The following TTLL13 variants were observed in gnomAD, a reference collection of about 807,000 sequenced individuals.
TTLL13 encodes the protein tubulin polyglutamylase TTLL13.
At chr15:90,261,957 G>T in the TTLL13 span, 1 of 1,440,554 alleles carries the variant, frequency 6.9e-7, no homozygotes, top group South Asian at 1.4e-5. Context: ...TTTCCCTACT[G>T]AACATTCCCA....
the TTLL13 span, chr15:90,262,670 G>T: frequency 6.8e-7 from 1 of 1,478,646 alleles, no homozygotes; most frequent in Non-Finnish European, 8.9e-7. Context: ...GGAGAAAGAG[G>T]TGCCAGGGGT....
the TTLL13 span, among the ~76,000 whole-genome samples, chr15:90,250,087 A>AGC: frequency 6.6e-6 from 1 of 151,614 alleles, no homozygotes; most frequent in Non-Finnish European, 1.5e-5. Context: ...CCTCCCGAGT[A>AGC]GCTGGGATTA....
chr15:90,257,488 C>A, the TTLL13 span: 3 of 968,494 alleles, frequency 3.1e-6, no homozygotes, highest in Non-Finnish European at 4.5e-6. Context: ...ACACTCTTCC[C>A]CAGGATCATC....
chr15:90,257,861 C>A, the TTLL13 span: 1 of 959,966 alleles, frequency 1.0e-6, no homozygotes, highest in Non-Finnish European at 1.6e-6. Flanking sequence ...TGTGCCTGCA[C>A]TTTGGAGCTC....
the TTLL13 span, among the ~76,000 whole-genome samples, chr15:90,254,491 T>TAAAAA: frequency 5.9e-5 from 5 of 84,214 alleles, no homozygotes; most frequent in East Asian, 1.0e-3. Flanking sequence ...AGACTCCATC[T>TAAAAA]AAAAAAAAAA....
the TTLL13 span, chr15:90,255,865 C>T: frequency 1.2e-6 from 2 of 1,614,216 alleles, no homozygotes; most frequent in Non-Finnish European, 1.7e-6. Flanking sequence ...TCTTCCCCCG[C>T]ACCTGGTGCC....
the TTLL13 span, among the ~76,000 whole-genome samples, chr15:90,261,820 G>A: frequency 1.4e-4 from 22 of 152,356 alleles, no homozygotes; most frequent in East Asian, 4.2e-3. Flanking sequence ...TGGAAGTCAA[G>A]CCTATTTTCA....
At chr15:90,265,370 CCCTG>C in the TTLL13 span, 37 of 1,234,798 alleles carry the variant, frequency 3.0e-5, no homozygotes, top group Middle Eastern at 6.6e-4. Flanking sequence ...CGAGCGGAAG[CCCTG>C]CCCACCGAGG....
the TTLL13 span, chr15:90,251,683 C>A: frequency 6.8e-7 from 1 of 1,469,348 alleles, no homozygotes; most frequent in Non-Finnish European, 9.5e-7. Flanking sequence ...CCCGATCAGG[C>A]TTCCAGCCCC....
chr15:90,252,911 G>A, the TTLL13 span, among the ~76,000 whole-genome samples: 5 of 152,292 alleles, frequency 3.3e-5, no homozygotes, highest in South Asian at 2.1e-4. Context: ...GCTGAGGCAC[G>A]AGAATCTCTT....
the TTLL13 span, chr15:90,257,113 C>T: frequency 1.2e-6 from 2 of 1,603,094 alleles, no homozygotes; most frequent in Non-Finnish European, 1.7e-6. Context: ...TGTTATTATT[C>T]CCTCATGGGT....
chr15:90,265,179 G>A, the TTLL13 span: 2 of 1,307,844 alleles, frequency 1.5e-6, no homozygotes, highest in South Asian at 3.2e-5. Flanking sequence ...AAGATGAAGA[G>A]GCGCCAAGGC....
At chr15:90,258,323 T>G in the TTLL13 span, 1 of 1,476,930 alleles carries the variant, frequency 6.8e-7, no homozygotes, top group South Asian at 1.1e-5. Context: ...CCTCCTTGAA[T>G]AGGACACCTG....
the TTLL13 span, chr15:90,262,908 G>A: frequency 2.7e-6 from 4 of 1,492,732 alleles, no homozygotes; most frequent in Non-Finnish European, 3.6e-6. Flanking sequence ...GCCATCCTGG[G>A]TGATGGTTTG....
At chr15:90,256,609 CCTTCCT>C in the TTLL13 span, among the ~76,000 whole-genome samples, 1 of 40,502 alleles carries the variant, frequency 2.5e-5, no homozygotes, top group African/African-American at 1.3e-4. Context: ...TTCTTTCTTT[CCTTCCT>C]TCCTTCCTTC....
At chr15:90,261,885 G>T in the TTLL13 span, 2 of 763,760 alleles carry the variant, frequency 2.6e-6, no homozygotes, top group Non-Finnish European at 2.0e-6. Context: ...TTCCCTACTT[G>T]GGCAGGGGCC....
the TTLL13 span, among the ~76,000 whole-genome samples, chr15:90,254,514 C>T: frequency 1.9e-5 from 2 of 105,474 alleles, no homozygotes; most frequent in South Asian, 4.0e-4. Flanking sequence ...AAAAAAAGGA[C>T]GCTCCAAAGG....
chr15:90,263,192 G>A, the TTLL13 span: 1 of 1,454,536 alleles, frequency 6.9e-7, no homozygotes, highest in East Asian at 2.5e-5. Flanking sequence ...AACAAGGGCT[G>A]TCATTCCAGG....
At chr15:90,256,141 C>A in the TTLL13 span, 1 of 1,614,142 alleles carries the variant, frequency 6.2e-7, no homozygotes. Flanking sequence ...CTGCACATAG[C>A]TATGGGGACT....
Sources: allele counts gnomAD v4.1 joint callset (sites outside exome capture counted in the v4.1 genomes callset), GRCh38; gene constraint gnomAD v4.1.1; transcripts MANE v1.5; gene names NCBI Gene and HGNC (gene_info 2026-07-23, HGNC 2026-07-21).